LSM14B: variants seen among roughly 807,000 people sequenced by gnomAD.
The protein encoded by LSM14B is protein LSM14 homolog B.
In LSM14B, 8 loss-of-function variants were observed where a neutral mutation model predicts 42.1. The ratio of observed to expected loss-of-function variants is 0.19; its 90% CI spans 0.11 to 0.34. LSM14B has a LOEUF of 0.34. Ranked by LOEUF, LSM14B falls within the 10% of genes least tolerant of loss-of-function variation. The pLI is 1.00. For missense variants in LSM14B, 396 were observed against 513.1 expected (o/e 0.77, Z 2.21); for synonymous variants, 219 against 209.7 (o/e 1.04, Z -0.38).
In LSM14B at chr20:62,134,322, T is replaced by A. The variant is rs1380123973; in HGVS notation, c.*174T>A. 2.1e-6 allele frequency: 1 copy of A among 471,832 alleles called. No individual in the cohort carries two copies. The highest frequency in any genetic ancestry group is 2.3e-5 in the Admixed American group (1 of 42,586). The allele number at this position is 471,832 out of a possible 1,614,324, so 29.2% of individuals were successfully genotyped here. The stretch of plus-strand genomic sequence containing the variant: ...TAACTGAACTTGGACATGGTCTGAG[T>A]TAGAACCACTTGTTTTGGGGAAGTA... On this transcript the variant is annotated 3_prime_UTR_variant, in exon 9 of 9. Transcript: ENST00000279068.
Position 62,133,937 on chromosome 20 carries a change from G to A in LSM14B, c.*15-226G>A, listed in dbSNP as rs189402148. ...TGGTGCCAACCCCACCCAGCGCCTC[G>A]GGACAGCCAGGTGGGCCCTGGAAAG... On this transcript the variant is annotated intron_variant, in intron 8 of 8. Coordinates refer to ENST00000279068, the MANE Select transcript of LSM14B (RefSeq NM_144703.3). Among the ~76,000 whole-genome samples, 85 of 152,328 alleles carry A rather than the reference G, an allele frequency of 5.6e-4. 2 individuals carry two copies. The East Asian group carries it at 9.8e-3, about 18-fold the overall frequency.
At chr20:62,132,523 CAG>C (rs1181533908) in intron 7 of LSM14B, among the ~76,000 whole-genome samples, 1 of 152,184 alleles carries the variant, frequency 6.6e-6, no homozygotes, top group Non-Finnish European at 1.5e-5. Context: ...GTGGTGGTGA[CAG>C]AGGGAAGGAG....
chr20:62,128,314 T>C (rs907471962), intron 3 of LSM14B, among the ~76,000 whole-genome samples: 1 of 152,242 alleles, frequency 6.6e-6, no homozygotes, highest in East Asian at 1.9e-4. Flanking sequence ...ACGATCTTGC[T>C]GTATGTTTGT....
At chr20:62,126,082 C>T (rs940819854) in intron 2 of LSM14B, 22 of 644,730 alleles carry the variant, frequency 3.4e-5, no homozygotes, top group Non-Finnish European at 5.9e-5. Context: ...CAAAACAAAA[C>T]AAAAAAAGGA....
rs2056712999 is a variant in LSM14B, at chr20:62,129,849, T to C, written c.492T>C (p.Gly164=). Residue 164 remains glycine, a synonymous_variant, in exon 4 of 9, where the codon GGT becomes GGC. Transcript: ENST00000279068. ...SPMVEQAVQT[G]SADNLNAKKL... ...TGGTGGAGCAGGCTGTGCAGACTGGTTCTGCTGACAACCTGAATGCTAAAA... is the reference window on the plus strand; with the variant it reads ...TGGTGGAGCAGGCTGTGCAGACTGGCTCTGCTGACAACCTGAATGCTAAAA... The C allele has an allele frequency of 1.2e-6, 2 of 1,612,450 alleles. No homozygotes were observed. Among genetic ancestry groups the C allele is most frequent in the Non-Finnish European group, 1.7e-6 (2 of 1,179,382 alleles).
Position 62,131,094 on chromosome 20 carries a change from AT to A in LSM14B, c.836-261del, listed in dbSNP as rs200041807. Among the ~76,000 whole-genome samples, 9 of 152,280 alleles carry A rather than the reference AT, an allele frequency of 5.9e-5. No individual in the cohort carries two copies. The East Asian group carries it at 1.7e-3, about 29-fold the overall frequency. On this transcript the variant is annotated intron_variant, in intron 6 of 8. Transcript: ENST00000279068. The stretch of plus-strand genomic sequence containing the variant: ...TAGAGGAACCGGGGATGCCAGGCGG[AT>A]GGTGACCGGCAGTGAGGAATTAATG...
chr20:62,124,975 G>T (rs1483640852), intron 2 of LSM14B, among the ~76,000 whole-genome samples, 195 bp downstream of exon 2: 1 of 152,006 alleles, frequency 6.6e-6, no homozygotes, highest in Non-Finnish European at 1.5e-5. Context: ...TGGCTTCCCA[G>T]GTTCAAGCAA....
Position 62,129,163 on chromosome 20 carries a change from G to A in LSM14B, c.428-622G>A, listed in dbSNP as rs181970603. On this transcript the variant is annotated intron_variant, in intron 3 of 8. Coordinates refer to ENST00000279068, the MANE Select transcript of LSM14B (RefSeq NM_144703.3). ...GCCAAAGGCTACCTAGGAGCCCTTT[G>A]TGTCTTCATGATGAGCCTTTGCCCT... The A allele has an allele frequency of 2.9e-5, 11 of 378,472 alleles. No homozygotes were observed. The East Asian group carries it at 8.1e-4, about 28-fold the overall frequency. 23.4% of individuals were successfully genotyped at this position (378,472 alleles called of 1,614,324 possible).
Position 62,131,631 on chromosome 20 carries a change from G to A in LSM14B, c.986+125G>A, listed in dbSNP as rs562853446. The A allele has an allele frequency of 2.6e-4, 318 of 1,246,332 alleles. 6 individuals carry two copies. The Middle Eastern group carries it at 3.4e-3, about 13-fold the overall frequency. The allele number at this position is 1,246,332 out of a possible 1,614,324, so 77.2% of individuals were successfully genotyped here. ...GGGTAGCTGTTCTAGGGTCCTGCTT[G>A]CGTTTCTGCATGATGGGTGCCGGAG... On this transcript the variant is annotated intron_variant, in intron 7 of 8. Transcript: ENST00000279068.
chr20:62,133,075 G>T (rs539730191), intron 7 of LSM14B, among the ~76,000 whole-genome samples: 4 of 152,150 alleles, frequency 2.6e-5, no homozygotes, highest in African/African-American at 4.8e-5. Context: ...GATGGATCCC[G>T]ATCCCCGGCC....
intron 1 of LSM14B, chr20:62,123,347 C>G (rs2056470626): frequency 6.6e-6 from 1 of 152,508 alleles, no homozygotes; most frequent in African/African-American, 2.4e-5. Context: ...GAACAAATAC[C>G]GCGTCCTAAT....
chr20:62,122,681 A>C lies in LSM14B; in HGVS notation c.15A>C (p.Ser5=). 6.8e-6 allele frequency: 10 copies of C among 1,471,740 alleles called. No homozygotes were observed. Among genetic ancestry groups the C allele is most frequent in the Non-Finnish European group, 9.1e-6 (10 of 1,099,536 alleles). The allele number at this position is 1,471,740 out of a possible 1,614,324, so 91.2% of individuals were successfully genotyped here. Residue 5 remains serine, a synonymous_variant, in exon 1 of 9, where the codon TCA becomes TCC. Coordinates refer to ENST00000279068, the MANE Select transcript of LSM14B (RefSeq NM_144703.3). The surrounding 1 kb of genome is among the most constrained non-coding windows in gnomAD (Gnocchi z 4.6). MSGS[S]GTPYLGSKIS... ...CGGCCGCCGCCATGAGCGGCTCCTCAGGCACCCCGTATCTGGGCAGCAAGA... is the reference window on the plus strand; with the variant it reads ...CGGCCGCCGCCATGAGCGGCTCCTCCGGCACCCCGTATCTGGGCAGCAAGA...
In LSM14B at chr20:62,133,388, T is replaced by A; in HGVS notation, c.1085T>A (p.Phe362Tyr). ...CGTGGCCGCAGTTCTCGGGGCGGAT[T>A]CCGAGGAGGCAGGGGCAATGGGACC... ...FLRGRSSRGG[F>Y]RGGRGNGTTR... Residue 362 changes from phenylalanine (F) to tyrosine (Y), a missense_variant, in exon 8 of 9, where the codon TTC (phenylalanine) becomes TAC (tyrosine). By Grantham distance (22) the Phe-to-Tyr change is conservative. Coordinates refer to ENST00000279068, the MANE Select transcript of LSM14B (RefSeq NM_144703.3). 1 of 1,613,130 alleles carries A rather than the reference T, an allele frequency of 6.2e-7. No homozygotes were observed. The highest frequency in any genetic ancestry group is 8.5e-7 in the Non-Finnish European group (1 of 1,179,578).
rs560022002 is a variant in LSM14B, at chr20:62,127,999, C to T, written c.427+1560C>T. 688 of 613,330 alleles carry T rather than the reference C, an allele frequency of 1.1e-3. 6 individuals are homozygous for T. The highest frequency in any genetic ancestry group is 0.011 in the African/African-American group (587 of 54,578). 38.0% of individuals were successfully genotyped at this position (613,330 alleles called of 1,614,324 possible). ...TCACTGTTCACAGAAAGTCATTTCC[C>T]TGGGGTTTTTGCTGGGTCCTAAATG... On this transcript the variant is annotated intron_variant, in intron 3 of 8. Transcript: ENST00000279068.
In LSM14B at chr20:62,122,896, A is replaced by G. The variant is rs1325792272; in HGVS notation, c.127+103A>G. The G allele has an allele frequency of 1.8e-6, 2 of 1,103,772 alleles. No individual in the cohort carries two copies. The highest frequency in any genetic ancestry group is 8.3e-5 in the East Asian group (2 of 24,156). The allele number at this position is 1,103,772 out of a possible 1,614,324, so 68.4% of individuals were successfully genotyped here. On this transcript the variant is annotated intron_variant, in intron 1 of 8. Coordinates refer to ENST00000279068, the MANE Select transcript of LSM14B (RefSeq NM_144703.3). The surrounding 1 kb of genome is among the most constrained non-coding windows in gnomAD (Gnocchi z 4.6). ...GGGCGCCCCGGAGCCTGGCGCCCAG[A>G]CCCCGCCCAGAACCCACCCAGGGCA...
rs370916845 is a variant in LSM14B, at chr20:62,129,933, G to A, written c.576G>A (p.Pro192=). 52 of 1,612,856 alleles carry A rather than the reference G, an allele frequency of 3.2e-5. No homozygotes were observed. The highest frequency in any genetic ancestry group is 1.7e-4 in the Middle Eastern group (1 of 6,052). The change falls in exon 4 of 9, where the codon CCG becomes CCA. Residue 192 remains proline, a synonymous_variant. Coordinates refer to ENST00000279068, the MANE Select transcript of LSM14B (RefSeq NM_144703.3). The part of the protein sequence containing the change: ...GTQLNGRQAQ[P]SSKTASDVVQ... ...AGCTCAACGGTCGTCAGGCCCAGCC[G>A]AGCAGCAAGACGGCCAGCGGTACTT...
At chr20:62,126,531 T>A (rs1375779516) in intron 3 of LSM14B, 92 bp downstream of exon 3, 51 of 1,486,996 alleles carry the variant, frequency 3.4e-5, no homozygotes, top group Non-Finnish European at 4.5e-5. Flanking sequence ...TATGCATTCC[T>A]GTCATGCTCA....
chr20:62,130,100 G>T lies in LSM14B; in HGVS notation c.596-119G>T. ...TTTTGCAGGGCAGGCCTGTGCAGCA[G>T]CCTCCTGCGGTGCCGCCCTGGCCGC... On this transcript the variant is annotated intron_variant, in intron 4 of 8. Transcript: ENST00000279068. This position sits in a 1 kb window ranked among gnomAD's most constrained non-coding sequence, Gnocchi z 4.1. The T allele has an allele frequency of 1.4e-6, 2 of 1,449,446 alleles. No homozygotes were observed. The highest frequency in any genetic ancestry group is 2.1e-5 in the Admixed American group (1 of 48,086). The allele number at this position is 1,449,446 out of a possible 1,614,324, so 89.8% of individuals were successfully genotyped here. A position where few individuals can be genotyped will look rare whatever the true frequency, so the allele number is the denominator to read the frequency against.
rs1430262795 is a variant in LSM14B at position 62,122,826 on chromosome 20, C to G, written c.127+33C>G. The stretch of plus-strand genomic sequence containing the variant: ...CCGCCGCCCGCCCGAGCCCGCTGAC[C>G]CCCGTCCGCCAACAGCCCCGGCCTG... On this transcript the variant is annotated intron_variant, in intron 1 of 8. Transcript: ENST00000279068. The surrounding 1 kb of genome is among the most constrained non-coding windows in gnomAD (Gnocchi z 4.6). The G allele has an allele frequency of 6.8e-7, 1 of 1,461,450 alleles. No homozygotes were observed. Among genetic ancestry groups the G allele is most frequent in the South Asian group, 1.3e-5 (1 of 78,638 alleles). The allele number at this position is 1,461,450 out of a possible 1,614,324, so 90.5% of individuals were successfully genotyped here. A position where few individuals can be genotyped will look rare whatever the true frequency, so the allele number is the denominator to read the frequency against.
Sources: allele counts gnomAD v4.1 joint callset (sites outside exome capture counted in the v4.1 genomes callset), GRCh38; gene constraint gnomAD v4.1.1; non-coding constraint Gnocchi (gnomAD v3.1); transcripts MANE v1.5; gene names NCBI Gene and HGNC (gene_info 2026-07-23, HGNC 2026-07-21).